The following CCDC178 variants were observed in gnomAD, a reference collection of about 807,000 sequenced individuals.
CCDC178 encodes coiled-coil domain containing 178.
CCDC178 carries 126 observed loss-of-function variants against 117.4 expected under a neutral mutation model. That is an observed-to-expected ratio of 1.07 (90% CI 0.93 to 1.24). CCDC178 has a LOEUF of 1.24. CCDC178 is among the 50% of genes most tolerant of loss of function. CCDC178 has a pLI of 0.00. For missense variants in CCDC178, 1,030 were observed against 986.9 expected (o/e 1.04, Z -0.59); for synonymous variants, 283 against 313.4 (o/e 0.90, Z 1.02).
intron 22 of CCDC178, among the ~76,000 whole-genome samples, chr18:32,944,507 A>G (rs2054303879): frequency 6.6e-6 from 1 of 152,228 alleles, no homozygotes; most frequent in African/African-American, 2.4e-5. Context: ...AGATGTGGCT[A>G]TAAAATTTCA....
chr18:33,040,392 A>ACCCTTAGTTTTATAT (rs2056525499), intron 21 of CCDC178, among the ~76,000 whole-genome samples: 1 of 151,966 alleles, frequency 6.6e-6, no homozygotes, highest in Non-Finnish European at 1.5e-5. Flanking sequence ...ACAAATGTAT[A>ACCCTTAGTTTTATAT]ATTGGAGTCT....
chr18:33,123,988 C>T (rs1568003053), intron 20 of CCDC178, among the ~76,000 whole-genome samples: 1 of 152,132 alleles, frequency 6.6e-6, no homozygotes, highest in Non-Finnish European at 1.5e-5. Flanking sequence ...TAAAACAGAA[C>T]GGCACTAAAC....
At chr18:33,297,895 C>T (rs950345868) in intron 11 of CCDC178, among the ~76,000 whole-genome samples, 3 of 151,950 alleles carry the variant, frequency 2.0e-5, no homozygotes, top group East Asian at 3.9e-4. Flanking sequence ...CAAAAAAATT[C>T]GCCAGACGTG....
chr18:33,159,523 C>T (rs1053762901), intron 20 of CCDC178, among the ~76,000 whole-genome samples: 11 of 152,050 alleles, frequency 7.2e-5, no homozygotes, highest in Non-Finnish European at 1.0e-4. Flanking sequence ...GGCTAGTAGC[C>T]CCAAATCACG....
intron 22 of CCDC178, among the ~76,000 whole-genome samples, chr18:32,963,342 T>G (rs755116993): frequency 3.3e-5 from 5 of 151,998 alleles, no homozygotes; most frequent in Admixed American, 6.6e-5. Flanking sequence ...CAGTTGCTCA[T>G]TCCTGTTTTA....
chr18:33,120,771 TCTTC>T (rs1313518735), intron 20 of CCDC178, among the ~76,000 whole-genome samples: 1 of 152,186 alleles, frequency 6.6e-6, no homozygotes, highest in Non-Finnish European at 1.5e-5. Context: ...ATTTTTGTTT[TCTTC>T]CTTATCTTAC....
At chr18:33,325,824 AG>A (rs974330342) in intron 10 of CCDC178, among the ~76,000 whole-genome samples, 1 of 151,870 alleles carries the variant, frequency 6.6e-6, no homozygotes, top group African/African-American at 2.4e-5. Context: ...AATTTTCTTA[AG>A]TTTATTTGTT....
At chr18:32,941,485 T>C (rs2054238813) in intron 22 of CCDC178, among the ~76,000 whole-genome samples, 1 of 152,112 alleles carries the variant, frequency 6.6e-6, no homozygotes, top group South Asian at 2.1e-4. Context: ...AAGAGATATA[T>C]TGGCAAGTTA....
chr18:33,428,818 G>A (rs1314499362), intron 2 of CCDC178, among the ~76,000 whole-genome samples: 20 of 146,936 alleles, frequency 1.4e-4, no homozygotes, highest in Non-Finnish European at 2.5e-4. Context: ...TTCCTAGGGT[G>A]AAAAAAAGTA....
chr18:33,201,701 C>T (rs1462359196), intron 20 of CCDC178, among the ~76,000 whole-genome samples: 1 of 152,108 alleles, frequency 6.6e-6, no homozygotes. Context: ...ACTGCTGCTC[C>T]CTAGGAAGAC....
chr18:33,156,641 CAAAAAAA>C (rs35712594), intron 20 of CCDC178, among the ~76,000 whole-genome samples: 58 of 99,242 alleles, frequency 5.8e-4, no homozygotes, highest in South Asian at 1.3e-3. Context: ...TCCTCCCTCT[CAAAAAAA>C]AAAAAAAAAA....
At chr18:33,027,276 A>T (rs1274318316) in intron 21 of CCDC178, among the ~76,000 whole-genome samples, 1 of 151,744 alleles carries the variant, frequency 6.6e-6, no homozygotes, top group Admixed American at 6.6e-5. Context: ...TGGAATAATG[A>T]AACTATCTCA....
intron 21 of CCDC178, among the ~76,000 whole-genome samples, chr18:33,054,404 C>A (rs925690712): frequency 1.3e-5 from 2 of 152,166 alleles, no homozygotes; most frequent in Admixed American, 6.5e-5. Context: ...ATTAGTTATT[C>A]TTCTTGATGC....
At chr18:33,052,545 C>T (rs1011853384) in intron 21 of CCDC178, among the ~76,000 whole-genome samples, 13 of 151,938 alleles carry the variant, frequency 8.6e-5, no homozygotes, top group Non-Finnish European at 4.4e-5. Context: ...TAGAGTCCAT[C>T]CAAATCACTA....
At chr18:33,124,002 T>C (rs932773799) in intron 20 of CCDC178, among the ~76,000 whole-genome samples, 7 of 152,274 alleles carry the variant, frequency 4.6e-5, no homozygotes, top group Admixed American at 1.3e-4. Flanking sequence ...ACTAAACTGA[T>C]GAGTTTAACC....
chr18:33,148,746 A>T (rs989944481), intron 20 of CCDC178, among the ~76,000 whole-genome samples: 1 of 152,208 alleles, frequency 6.6e-6, no homozygotes, highest in Non-Finnish European at 1.5e-5. Context: ...ATTATAGTAT[A>T]ATATGCAGAA....
intron 2 of CCDC178, among the ~76,000 whole-genome samples, chr18:33,432,338 C>T (rs187576268): frequency 2.0e-4 from 31 of 152,112 alleles, no homozygotes; most frequent in Middle Eastern, 3.4e-3. Context: ...TCCATGCTTT[C>T]TATACCAGCA....
Position 33,090,265 on chromosome 18 carries a change from T to C in CCDC178, c.2388+2496A>G, listed in dbSNP as rs80202915. Among the ~76,000 whole-genome samples the C allele has an allele frequency of 4.8e-3, 733 of 152,312 alleles. 5 individuals carry two copies. Among genetic ancestry groups the C allele is most frequent in the African/African-American group, 0.017 (701 of 41,566 alleles). Reference sequence around the variant, plus strand: ...GAAGTATGAAAATGTATACTTTGTATAGAGAGAATAATAGTCCCTAAGAAG... The same window carrying C: ...GAAGTATGAAAATGTATACTTTGTACAGAGAGAATAATAGTCCCTAAGAAG... On this transcript the variant is annotated intron_variant, in intron 21 of 22. Coordinates refer to ENST00000383096, the MANE Select transcript of CCDC178 (RefSeq NM_001105528.4).
At chr18:32,968,593 G>T (rs937004099) in intron 22 of CCDC178, among the ~76,000 whole-genome samples, 2 of 151,868 alleles carry the variant, frequency 1.3e-5, no homozygotes, top group Non-Finnish European at 2.9e-5. Context: ...TTTCCCATAT[G>T]GCTGTACTAA....
Sources: gnomAD v4.1 joint callset for allele counts (sites outside exome capture counted in the v4.1 genomes callset) on GRCh38, gnomAD v4.1.1 for gene constraint, MANE v1.5 for transcripts, NCBI Gene and HGNC (gene_info 2026-07-23, HGNC 2026-07-21) for gene names.